BTBD10: variants seen among roughly 807,000 people sequenced by gnomAD.
BTBD10 encodes BTB/POZ domain-containing protein 10.
In BTBD10, 21 loss-of-function variants were observed where a neutral mutation model predicts 53.2. The ratio of observed to expected loss-of-function variants is 0.39; its 90% CI spans 0.28 to 0.57. BTBD10 has a LOEUF of 0.57. Among genes scored for constraint, BTBD10 ranks in the 20% least tolerant of loss-of-function variants. The probability of loss-of-function intolerance (pLI) is 0.53; values close to 1 mark genes in which losing one functional copy is unlikely to be tolerated. For missense variants in BTBD10, 360 were observed against 594.7 expected (o/e 0.61, Z 4.10); for synonymous variants, 149 against 192.7 (o/e 0.77, Z 1.88).
In BTBD10 at chr11:13,423,474, A is replaced by G. The variant is rs538975697; in HGVS notation, c.102-1636T>C. 3.9e-5 allele frequency among the ~76,000 whole-genome samples: 6 copies of G among 152,326 alleles called. No homozygotes were observed. The South Asian group carries it at 8.3e-4, about 21-fold the overall frequency. On this transcript the variant is annotated intron_variant, in intron 2 of 8. Coordinates refer to ENST00000278174, the MANE Select transcript of BTBD10 (RefSeq NM_032320.7). ...ATAATTACTCATGAAATGTTAGTTT[A>G]TTTAGTTTATGACAGATGAGGATGT...
In BTBD10 at chr11:13,408,404, A is replaced by G. The variant is rs187476004; in HGVS notation, c.809-2548T>C. ...TCAACTTGGTACATAAAGCCCTGCTATGTGAAAAAGAATGTTATAGATCAG... is the reference window on the plus strand; with the variant it reads ...TCAACTTGGTACATAAAGCCCTGCTGTGTGAAAAAGAATGTTATAGATCAG... On this transcript the variant is annotated intron_variant, in intron 6 of 8. Coordinates refer to ENST00000278174, the MANE Select transcript of BTBD10 (RefSeq NM_032320.7). Among the ~76,000 whole-genome samples the G allele has an allele frequency of 3.0e-3, 450 of 152,310 alleles. 1 individual carries two copies. The highest frequency in any genetic ancestry group is 0.01 in the African/African-American group (424 of 41,574).
intron 2 of BTBD10, among the ~76,000 whole-genome samples, chr11:13,443,161 G>A (rs1390699249): frequency 6.6e-6 from 1 of 151,984 alleles, no homozygotes; most frequent in African/African-American, 2.4e-5. Context: ...GGCTGAGGAG[G>A]GAGGATTGCT....
At chr11:13,410,427 G>T (rs1949917628) in intron 6 of BTBD10, among the ~76,000 whole-genome samples, 1 of 152,046 alleles carries the variant, frequency 6.6e-6, no homozygotes, top group Admixed American at 6.6e-5. Context: ...CTTAAGACAG[G>T]GTCTTGCTAT....
intron 8 of BTBD10, among the ~76,000 whole-genome samples, chr11:13,399,921 G>C (rs1949666653): frequency 6.6e-6 from 1 of 152,160 alleles, no homozygotes; most frequent in Non-Finnish European, 1.5e-5. Context: ...TTCTCTCAGA[G>C]GAGTACCCGG....
intron 8 of BTBD10, among the ~76,000 whole-genome samples, chr11:13,397,270 G>T (rs1158493564): frequency 1.3e-5 from 2 of 152,184 alleles, no homozygotes; most frequent in African/African-American, 4.8e-5. Context: ...TTAGTCTTGG[G>T]AGAGTGTATG....
intron 2 of BTBD10, among the ~76,000 whole-genome samples, chr11:13,440,681 G>C (rs923618116): frequency 2.0e-5 from 3 of 152,136 alleles, no homozygotes; most frequent in Non-Finnish European, 4.4e-5. Flanking sequence ...CAGGAGAAAC[G>C]AGCATGCGTA....
chr11:13,440,059 C>G (rs1280011064), intron 2 of BTBD10: 1 of 1,529,896 alleles, frequency 6.5e-7, no homozygotes, highest in Admixed American at 2.0e-5. Context: ...CAAGATTCCT[C>G]TGAACAATCA....
intron 1 of BTBD10, among the ~76,000 whole-genome samples, chr11:13,456,327 T>C (rs2134060396): frequency 6.6e-6 from 1 of 152,160 alleles, no homozygotes; most frequent in East Asian, 1.9e-4. Context: ...GCTCAAGTCA[T>C]CGAGAAAAGA....
At chr11:13,458,840 G>A (rs1951027088) in intron 1 of BTBD10, among the ~76,000 whole-genome samples, 1 of 152,026 alleles carries the variant, frequency 6.6e-6, no homozygotes, top group African/African-American at 2.4e-5. Context: ...AGATCATATC[G>A]CTTGCTTTCT....
intron 2 of BTBD10, among the ~76,000 whole-genome samples, chr11:13,428,049 G>T (rs1174734042): frequency 1.3e-5 from 2 of 152,092 alleles, no homozygotes; most frequent in East Asian, 3.9e-4. Context: ...TAAGAAAAAT[G>T]ACATCAGTCA....
Position 13,445,041 on chromosome 11 carries a change from T to C in BTBD10, c.84A>G (p.Lys28=). 1 of 1,611,474 alleles carries C rather than the reference T, an allele frequency of 6.2e-7. No homozygotes were observed. The highest frequency in any genetic ancestry group is 8.5e-7 in the Non-Finnish European group (1 of 1,177,892). Residue 28 remains lysine, a synonymous_variant, in exon 2 of 9, where the codon AAA becomes AAG. Coordinates refer to ENST00000278174, the MANE Select transcript of BTBD10 (RefSeq NM_032320.7). The stretch of plus-strand genomic sequence containing the variant: ...CTACCTACCTTGAATGTTTATAAAG[T>C]TTACGAGGTCTACTATGCAATTTCC... The part of the protein sequence containing the change: ...WDRKLHSRPR[K]LYKHSSTSSR...
chr11:13,404,902 G>T (rs1949784836), intron 7 of BTBD10, among the ~76,000 whole-genome samples: 1 of 152,044 alleles, frequency 6.6e-6, no homozygotes, highest in African/African-American at 2.4e-5. Flanking sequence ...AAGGTGTTTT[G>T]GTACTTTCTA....
chr11:13,394,263 AG>A (rs1308270352), intron 8 of BTBD10, among the ~76,000 whole-genome samples: 1 of 152,114 alleles, frequency 6.6e-6, no homozygotes, highest in African/African-American at 2.4e-5. Context: ...GTGTCAGGAG[AG>A]GGGCCTGGTG....
At chr11:13,390,263 G>A (rs1949371595) in intron 8 of BTBD10, among the ~76,000 whole-genome samples, 2 of 152,070 alleles carry the variant, frequency 1.3e-5, no homozygotes, top group African/African-American at 4.8e-5. Context: ...AGGCCACATG[G>A]TTTCTACTAG....
chr11:13,405,427 G>A (rs974143947), intron 7 of BTBD10: 1 of 513,732 alleles, frequency 1.9e-6, no homozygotes, highest in South Asian at 2.3e-5. Context: ...TCTGTACAGG[G>A]ACATATAATA....
intron 2 of BTBD10, among the ~76,000 whole-genome samples, chr11:13,434,196 C>A (rs1323040478): frequency 6.6e-6 from 1 of 152,120 alleles, no homozygotes; most frequent in East Asian, 1.9e-4. Flanking sequence ...CCTAAAATCC[C>A]ATTGCAGCAG....
rs572414754 is a variant in BTBD10 at position 13,393,882 on chromosome 11, A to G, written c.1118-4741T>C. Among the ~76,000 whole-genome samples, 19 of 152,338 alleles carry G rather than the reference A, an allele frequency of 1.2e-4. No individual in the cohort carries two copies. The East Asian group carries it at 1.9e-3, about 15-fold the overall frequency. ...GCTATTTATTCCCCAAAAAACTTTAATAAGTATTTAACCTTTTAAGCTTTA... is the reference window on the plus strand; with the variant it reads ...GCTATTTATTCCCCAAAAAACTTTAGTAAGTATTTAACCTTTTAAGCTTTA... On this transcript the variant is annotated intron_variant, in intron 8 of 8. Coordinates refer to ENST00000278174, the MANE Select transcript of BTBD10 (RefSeq NM_032320.7).
At chr11:13,431,767 T>C (rs1178902580) in intron 2 of BTBD10, among the ~76,000 whole-genome samples, 1 of 152,172 alleles carries the variant, frequency 6.6e-6, no homozygotes, top group Non-Finnish European at 1.5e-5. Flanking sequence ...TATGATTTTG[T>C]CACCTAATTT....
chr11:13,459,621 C>T (rs1467278405), intron 1 of BTBD10: 1 of 152,054 alleles, frequency 6.6e-6, no homozygotes, highest in Non-Finnish European at 1.5e-5. Flanking sequence ...TAACTAAATC[C>T]AACGTGCAAA....
Sources: gnomAD v4.1 joint callset for allele counts (sites outside exome capture counted in the v4.1 genomes callset) on GRCh38, gnomAD v4.1.1 for gene constraint, MANE v1.5 for transcripts, NCBI Gene and HGNC (gene_info 2026-07-23, HGNC 2026-07-21) for gene names.